The following STXBP4 variants were observed in gnomAD, a reference collection of about 807,000 sequenced individuals.
STXBP4 encodes the protein syntaxin-binding protein 4.
STXBP4 carries 55 observed loss-of-function variants against 76.1 expected under a neutral mutation model. The ratio of observed to expected loss-of-function variants is 0.72; its 90% CI spans 0.58 to 0.91. The LOEUF (loss-of-function observed/expected upper bound fraction) is 0.91. STXBP4 is among the 40% of genes least tolerant of loss of function. The pLI, the probability that STXBP4 is intolerant of heterozygous loss-of-function variation, is 0.00. For missense variants in STXBP4, 618 were observed against 636.9 expected (o/e 0.97, Z 0.32); for synonymous variants, 201 against 220.2 (o/e 0.91, Z 0.77).
At chr17:55,199,872 A>T in the STXBP4 span, among the ~76,000 whole-genome samples, 82,667 of 151,914 alleles carry the variant, frequency 0.54, 23,618 homozygotes, top group Non-Finnish European at 0.63. Flanking sequence ...TAGCTCATAC[A>T]GACTGGCCCC....
At chr17:55,020,979 A>AT (rs1297974565) in intron 8 of STXBP4, among the ~76,000 whole-genome samples, 4 of 151,974 alleles carry the variant, frequency 2.6e-5, no homozygotes, top group African/African-American at 7.3e-5. Context: ...CCAAGTTGTG[A>AT]TTTTTCCGGC....
chr17:54,984,130 C>T (rs2077590061), intron 1 of STXBP4, among the ~76,000 whole-genome samples: 1 of 152,028 alleles, frequency 6.6e-6, no homozygotes, highest in Non-Finnish European at 1.5e-5. Context: ...GAATACATTG[C>T]TATGTTAGGG....
chr17:55,047,158 A>C lies in STXBP4; in HGVS notation c.1011+4A>C. On this transcript the variant is annotated splice_donor_region_variant and intron_variant, in intron 12 of 17. Transcript: ENST00000376352. ...AGAGCTCCAGAATGTGAAACAAGTA[A>C]GTATATGTATTGTGTATATATGTGC... is the stretch of plus-strand genomic sequence containing the variant. 6.4e-7 allele frequency: 1 copy of C among 1,574,490 alleles called. No individual in the cohort carries two copies. The highest frequency in any genetic ancestry group is 8.7e-7 in the Non-Finnish European group (1 of 1,147,166).
the STXBP4 span, among the ~76,000 whole-genome samples, chr17:55,189,161 A>G: frequency 1.2e-4 from 5 of 42,866 alleles, no homozygotes; most frequent in African/African-American, 9.2e-4. Context: ...CATAGAATAT[A>G]TATTTGGCAA....
intron 8 of STXBP4, among the ~76,000 whole-genome samples, chr17:55,024,275 T>G (rs1210809618): frequency 6.6e-6 from 1 of 152,226 alleles, no homozygotes; most frequent in Non-Finnish European, 1.5e-5. Context: ...TCTGGACATA[T>G]ACACTAGAGA....
At chr17:55,180,219 G>A in the STXBP4 span, among the ~76,000 whole-genome samples, 53 of 152,158 alleles carry the variant, frequency 3.5e-4, no homozygotes, top group African/African-American at 1.1e-3. Context: ...TGATAAGACC[G>A]TCGTAAATGT....
chr17:55,002,789 A>G (rs2077942272), intron 7 of STXBP4, among the ~76,000 whole-genome samples: 1 of 152,196 alleles, frequency 6.6e-6, no homozygotes, highest in South Asian at 2.1e-4. Context: ...AATAGTTACA[A>G]GTTACAAGGA....
At chr17:55,079,357 A>T (rs1347472115) in intron 15 of STXBP4, among the ~76,000 whole-genome samples, 1 of 152,178 alleles carries the variant, frequency 6.6e-6, no homozygotes, top group Non-Finnish European at 1.5e-5. Flanking sequence ...CAAAAGAAAG[A>T]TTCTTGTTTA....
chr17:55,078,823 T>G (rs757825601), intron 15 of STXBP4, 88 bp downstream of exon 15: 2 of 773,168 alleles, frequency 2.6e-6, no homozygotes, highest in Non-Finnish European at 4.6e-6. Context: ...AAAAATCTCT[T>G]AAATAGTCCT....
rs1050178027 is a variant in STXBP4, at chr17:55,163,905, A to C, written c.*3994A>C. ...ATGCAAAGCAGCTGTCAAAATATAG[A>C]GTCAAGTGATACTTTCATAAAGTGT... On this transcript the variant is annotated 3_prime_UTR_variant, in exon 18 of 18. Transcript: ENST00000376352. 1 of 152,660 alleles carries C rather than the reference A, an allele frequency of 6.6e-6. No homozygotes were observed. Among genetic ancestry groups the C allele is most frequent in the African/African-American group, 2.4e-5 (1 of 41,456 alleles). The allele number at this position is 152,660 out of a possible 1,614,324, so 9.5% of individuals were successfully genotyped here.
the STXBP4 span, among the ~76,000 whole-genome samples, chr17:55,206,897 G>T: frequency 6.7e-6 from 1 of 150,046 alleles, no homozygotes; most frequent in East Asian, 2.0e-4. Flanking sequence ...AAAGGAAAAG[G>T]ACAAAATGTC....
chr17:55,057,714 G>A (rs866641393), intron 12 of STXBP4, among the ~76,000 whole-genome samples: 1 of 151,852 alleles, frequency 6.6e-6, no homozygotes, highest in Non-Finnish European at 1.5e-5. Flanking sequence ...TTGCTCCACC[G>A]CCCGACAGGC....
At chr17:55,137,016 C>A (rs550248092) in intron 16 of STXBP4, among the ~76,000 whole-genome samples, 33 of 152,172 alleles carry the variant, frequency 2.2e-4, no homozygotes, top group Middle Eastern at 3.4e-3. Flanking sequence ...GGGTATCATG[C>A]TAACCCCCTA....
At chr17:55,151,851 G>A (rs1296159222) in intron 17 of STXBP4, among the ~76,000 whole-genome samples, 1 of 152,122 alleles carries the variant, frequency 6.6e-6, no homozygotes, top group Non-Finnish European at 1.5e-5. Flanking sequence ...AACTCCAGCT[G>A]TATAGAAAAT....
intron 17 of STXBP4, among the ~76,000 whole-genome samples, chr17:55,142,523 C>T (rs1288966224): frequency 6.6e-6 from 1 of 152,126 alleles, no homozygotes; most frequent in East Asian, 1.9e-4. Context: ...GGGAATATTA[C>T]CTACTTTATA....
intron 16 of STXBP4, among the ~76,000 whole-genome samples, chr17:55,113,835 T>C (rs2079751011): frequency 6.6e-6 from 1 of 152,074 alleles, no homozygotes; most frequent in Non-Finnish European, 1.5e-5. Flanking sequence ...TTGGTGTTTT[T>C]TGTTTTTTGC....
Position 55,081,047 on chromosome 17 carries a change from TA to T in STXBP4, c.1356-2del, listed in dbSNP as rs765727377. 8.1e-6 allele frequency: 12 copies of T among 1,482,472 alleles called. No homozygotes were observed. Among genetic ancestry groups the T allele is most frequent in the African/African-American group, 1.5e-5 (1 of 68,350 alleles). 91.8% of individuals were successfully genotyped at this position (1,482,472 alleles called of 1,614,324 possible). A position where few individuals can be genotyped will look rare whatever the true frequency, so the allele number is the denominator to read the frequency against. On this transcript the variant is annotated splice_acceptor_variant, in intron 15 of 17. Coordinates refer to ENST00000376352, the MANE Select transcript of STXBP4 (RefSeq NM_178509.6). LOFTEE classifies it high-confidence loss of function. ...GTTCAACTTTATTTTATTGCCTTCATAGTGAAAGAAGAGCTGTGTTAGCTTC... is the reference window on the plus strand; with the variant it reads ...GTTCAACTTTATTTTATTGCCTTCATGTGAAAGAAGAGCTGTGTTAGCTTC...
intron 8 of STXBP4, among the ~76,000 whole-genome samples, chr17:55,024,319 A>G (rs1399017356): frequency 3.9e-5 from 6 of 152,246 alleles, no homozygotes; most frequent in Non-Finnish European, 8.8e-5. Flanking sequence ...AGATATGTAC[A>G]ATGCAGTAGT....
intron 12 of STXBP4, among the ~76,000 whole-genome samples, chr17:55,071,476 A>G (rs1303372981): frequency 6.6e-6 from 1 of 152,130 alleles, no homozygotes; most frequent in Non-Finnish European, 1.5e-5. Context: ...CTCTTCCTAG[A>G]AAGCTCCTCC....
Sources: gnomAD v4.1 joint callset for allele counts (sites outside exome capture counted in the v4.1 genomes callset) on GRCh38, gnomAD v4.1.1 for gene constraint, MANE v1.5 for transcripts, NCBI Gene and HGNC (gene_info 2026-07-23, HGNC 2026-07-21) for gene names.